Variants in LRRC7 observed in about 807,000 individuals in gnomAD.
LRRC7 encodes the protein leucine rich repeat containing 7.
In LRRC7, 23 loss-of-function variants were observed where a neutral mutation model predicts 175.7. That is an observed-to-expected ratio of 0.13 (90% CI 0.09 to 0.19). The LOEUF (loss-of-function observed/expected upper bound fraction) is 0.19, where lower values mean the gene tolerates loss of function less well. Ranked by LOEUF, LRRC7 falls within the 10% of genes least tolerant of loss-of-function variation. The pLI is 1.00. For missense variants in LRRC7, 1,354 were observed against 1,904.7 expected, an observed-to-expected ratio of 0.71 and a Z score of 5.38; for synonymous variants, 685 against 680.9, an observed-to-expected ratio of 1.01 and a Z score of -0.09.
At chr1:69,925,875 T>A (rs1647055520) in intron 7 of LRRC7, among the ~76,000 whole-genome samples, 1 of 141,322 alleles carries the variant, frequency 7.1e-6, no homozygotes, top group African/African-American at 2.5e-5. Context: ...CTTTTCTAGT[T>A]CTTTTAATTG....
intron 7 of LRRC7, among the ~76,000 whole-genome samples, chr1:69,896,537 T>C (rs1201310036): frequency 6.6e-6 from 1 of 152,132 alleles, no homozygotes; most frequent in East Asian, 1.9e-4. Flanking sequence ...TATACATGGA[T>C]TAAAAGTGAG....
intron 20 of LRRC7, among the ~76,000 whole-genome samples, chr1:70,037,049 C>G (rs1659386444): frequency 6.6e-6 from 1 of 152,078 alleles, no homozygotes; most frequent in South Asian, 2.1e-4. Context: ...TTATCACCAC[C>G]TGGAAAAGTC....
At chr1:69,663,325 C>T (rs1225841141) in intron 1 of LRRC7, among the ~76,000 whole-genome samples, 1 of 152,028 alleles carries the variant, frequency 6.6e-6, no homozygotes, top group Non-Finnish European at 1.5e-5. Context: ...AAATTCAATA[C>T]ATTTTTTAAT....
chr1:69,944,493 C>A (rs1229410401), intron 8 of LRRC7, among the ~76,000 whole-genome samples: 1 of 151,960 alleles, frequency 6.6e-6, no homozygotes, highest in Non-Finnish European at 1.5e-5. Context: ...TTTTTGAAGT[C>A]CCTATTTCAG....
At chr1:69,791,792 G>A (rs1235488035) in intron 3 of LRRC7, among the ~76,000 whole-genome samples, 1 of 151,796 alleles carries the variant, frequency 6.6e-6, no homozygotes, top group Non-Finnish European at 1.5e-5. Context: ...GAATGAGAGT[G>A]GTAAAAGAAG....
chr1:70,047,956 T>C (rs1193284197), intron 22 of LRRC7, among the ~76,000 whole-genome samples: 1 of 152,014 alleles, frequency 6.6e-6, no homozygotes, highest in Non-Finnish European at 1.5e-5. Flanking sequence ...ATTATTAGTA[T>C]TTTCTATTGA....
chr1:69,622,830 CA>C (rs1313784876), intron 1 of LRRC7, among the ~76,000 whole-genome samples: 3 of 152,098 alleles, frequency 2.0e-5, no homozygotes. Flanking sequence ...AGTAAAAACT[CA>C]AGTTACTTGG....
chr1:69,682,760 G>A (rs1557594480), intron 2 of LRRC7, among the ~76,000 whole-genome samples: 1 of 106,662 alleles, frequency 9.4e-6, no homozygotes, highest in South Asian at 3.4e-4. Context: ...TTCATGGATA[G>A]GCTAAGAAAG....
chr1:70,028,521 A>G (rs1171853615), intron 18 of LRRC7, 150 bp downstream of exon 18: 1 of 728,918 alleles, frequency 1.4e-6, no homozygotes, highest in Non-Finnish European at 2.2e-6. Flanking sequence ...TGAGGGTTGC[A>G]TTTAATCAGT....
intron 7 of LRRC7, among the ~76,000 whole-genome samples, chr1:69,843,373 C>T (rs537160129): frequency 7.2e-5 from 11 of 151,928 alleles, no homozygotes; most frequent in African/African-American, 2.4e-4. Flanking sequence ...AATTTTATTT[C>T]GGGTTGTTAA....
intron 1 of LRRC7, among the ~76,000 whole-genome samples, chr1:69,669,116 G>A (rs1470781547): frequency 2.0e-5 from 3 of 152,030 alleles, no homozygotes; most frequent in Non-Finnish European, 2.9e-5. Context: ...ATACACCGCA[G>A]TTACAGTGTT....
intron 22 of LRRC7, among the ~76,000 whole-genome samples, chr1:70,044,495 AT>A (rs1660178778): frequency 6.6e-6 from 1 of 152,082 alleles, no homozygotes; most frequent in African/African-American, 2.4e-5. Context: ...GCTCAAAATT[AT>A]TGTTGGATTT....
chr1:69,614,946 T>C (rs1015128872), intron 1 of LRRC7, among the ~76,000 whole-genome samples: 2 of 152,096 alleles, frequency 1.3e-5, no homozygotes, highest in African/African-American at 4.8e-5. Flanking sequence ...TAAAACTAGC[T>C]GAAGTAAATT....
chr1:69,923,928 G>A (rs1348730939), intron 7 of LRRC7, among the ~76,000 whole-genome samples: 1 of 151,370 alleles, frequency 6.6e-6, no homozygotes, highest in Non-Finnish European at 1.5e-5. Context: ...GGGTTTTTAT[G>A]GTTTTAGGTC....
intron 7 of LRRC7, among the ~76,000 whole-genome samples, chr1:69,856,007 G>A (rs193063256): frequency 6.6e-5 from 10 of 152,034 alleles, no homozygotes; most frequent in Admixed American, 5.9e-4. Flanking sequence ...TTTATTTTGA[G>A]CCTATGTGTG....
At chr1:69,835,058 G>T (rs1461398399) in intron 6 of LRRC7, among the ~76,000 whole-genome samples, 189 bp downstream of exon 6, 1 of 151,558 alleles carries the variant, frequency 6.6e-6, no homozygotes, top group Non-Finnish European at 1.5e-5. Context: ...GCCTTTACAT[G>T]ACATTAATAG....
At chr1:70,060,651 A>T (rs1661509794) in intron 23 of LRRC7, among the ~76,000 whole-genome samples, 2 of 152,190 alleles carry the variant, frequency 1.3e-5, no homozygotes, top group Non-Finnish European at 2.9e-5. Flanking sequence ...GTAAGCAAGC[A>T]AGTCAAGATG....
At chr1:69,643,985 A>T (rs928065870) in intron 1 of LRRC7, among the ~76,000 whole-genome samples, 7 of 152,308 alleles carry the variant, frequency 4.6e-5, no homozygotes, top group Admixed American at 2.6e-4. Flanking sequence ...GCTGAATAAA[A>T]ATAAAAATGT....
chr1:69,588,985 CTG>C (rs138325158), intron 1 of LRRC7, among the ~76,000 whole-genome samples: 207 of 130,270 alleles, frequency 1.6e-3, no homozygotes, highest in Middle Eastern at 3.9e-3. Context: ...CTGCTGGGGT[CTG>C]TGTGTGTGTG....
Sources: gnomAD v4.1 joint callset for allele counts (sites outside exome capture counted in the v4.1 genomes callset) on GRCh38, gnomAD v4.1.1 for gene constraint, MANE v1.5 for transcripts, NCBI Gene and HGNC (gene_info 2026-07-23, HGNC 2026-07-21) for gene names.